Variants in BRAF observed in about 807,000 individuals in gnomAD.
The protein encoded by BRAF is serine/threonine-protein kinase B-raf.
Under a neutral mutation model 104.6 loss-of-function variants are expected in BRAF, and 16 were observed. The observed-to-expected ratio is 0.15, with a 90% CI of 0.10 to 0.23. BRAF has a LOEUF of 0.23. Among genes scored for constraint, BRAF ranks in the 10% least tolerant of loss-of-function variants. BRAF has a pLI of 1.00. For synonymous variants in BRAF, 310 were observed against 341.6 expected (o/e 0.91, Z 1.02); for missense variants, 541 against 937.3 (o/e 0.58, Z 5.52).
chr7:140,896,434 GA>G (rs200728403), intron 1 of BRAF, among the ~76,000 whole-genome samples: 8 of 149,614 alleles, frequency 5.3e-5, no homozygotes, highest in Non-Finnish European at 1.2e-4. Context: ...ACCTTTTAAG[GA>G]AAAAAAAACA....
intron 14 of BRAF, among the ~76,000 whole-genome samples, chr7:140,755,458 C>T (rs1044561246): frequency 1.3e-5 from 2 of 152,102 alleles, no homozygotes; most frequent in East Asian, 1.9e-4. Flanking sequence ...TTCATTTAAA[C>T]GTCCTCATTC....
intron 3 of BRAF, among the ~76,000 whole-genome samples, chr7:140,811,440 G>T (rs1046074813): frequency 5.9e-5 from 9 of 152,182 alleles, no homozygotes; most frequent in Non-Finnish European, 8.8e-5. Flanking sequence ...GACTCTCAGG[G>T]GAGAGGGGAG....
intron 1 of BRAF, among the ~76,000 whole-genome samples, chr7:140,863,813 G>A (rs1440582528): frequency 6.6e-6 from 1 of 152,164 alleles, no homozygotes. Context: ...AGTTTCCTGA[G>A]GCCTCCCCAG....
intron 3 of BRAF, among the ~76,000 whole-genome samples, chr7:140,815,967 C>A (rs1472723574): frequency 1.3e-5 from 2 of 152,054 alleles, no homozygotes; most frequent in African/African-American, 4.8e-5. Flanking sequence ...CCAATCAAAT[C>A]AAAATAAAAA....
intron 3 of BRAF, among the ~76,000 whole-genome samples, chr7:140,811,468 A>G (rs554347607): frequency 1.2e-3 from 189 of 152,264 alleles, no homozygotes; most frequent in Middle Eastern, 6.8e-3. Flanking sequence ...GGGAGCTTAT[A>G]TGTCTAGCTG....
At chr7:140,809,148 G>T (rs1178797000) in intron 3 of BRAF, among the ~76,000 whole-genome samples, 153 bp from the exon 4 acceptor site, 1 of 151,990 alleles carries the variant, frequency 6.6e-6, no homozygotes, top group Admixed American at 6.6e-5. Flanking sequence ...ATACTAAAGG[G>T]AAATTATAAC....
chr7:140,719,069 G>C (rs1237318960), downstream of BRAF, among the ~76,000 whole-genome samples: 4 of 152,166 alleles, frequency 2.6e-5, no homozygotes, highest in Non-Finnish European at 5.9e-5. Context: ...AGATACATCA[G>C]GTCACAACAT....
At chr7:140,804,757 T>A (rs1047604188) in intron 5 of BRAF, among the ~76,000 whole-genome samples, 1 of 152,202 alleles carries the variant, frequency 6.6e-6, no homozygotes, top group Non-Finnish European at 1.5e-5. Context: ...ACATGTAAAT[T>A]TTTTTATGAT....
chr7:140,792,484 A>C (rs1383514099), intron 8 of BRAF, among the ~76,000 whole-genome samples: 5 of 152,196 alleles, frequency 3.3e-5, no homozygotes, highest in Admixed American at 3.3e-4. Flanking sequence ...ACTATTAATT[A>C]CATTCCATGT....
chr7:140,810,168 G>C (rs117013564), intron 3 of BRAF, among the ~76,000 whole-genome samples: 1 of 152,146 alleles, frequency 6.6e-6, no homozygotes, highest in Non-Finnish European at 1.5e-5. Context: ...GTAAATATAA[G>C]ACAGCTGAAT....
At chr7:140,763,980 C>T (rs1209430579) in intron 14 of BRAF, among the ~76,000 whole-genome samples, 4 of 152,170 alleles carry the variant, frequency 2.6e-5, no homozygotes, top group African/African-American at 9.7e-5. Context: ...CAAAGCCAGG[C>T]AGAGACACAA....
Position 140,924,771 on chromosome 7 carries a change from TGGGGGA to T in BRAF, c.-74_-69del. 1 of 569,290 alleles carries T rather than the reference TGGGGGA, an allele frequency of 1.8e-6. No individual in the cohort carries two copies. The highest frequency in any genetic ancestry group is 3.0e-6 in the Non-Finnish European group (1 of 330,272). The allele number at this position is 569,290 out of a possible 1,614,324, so 35.3% of individuals were successfully genotyped here. Reference sequence around the variant, plus strand: ...GGGAGGGGGAAGGGAGGCGGAGAGCTGGGGGAGGCGGAGGCGGAGGCGGAGGCGGAG... The same window carrying T: ...GGGAGGGGGAAGGGAGGCGGAGAGCTGGCGGAGGCGGAGGCGGAGGCGGAG... On this transcript the variant is annotated 5_prime_UTR_variant, in exon 1 of 20. Coordinates refer to ENST00000644969, the MANE Select transcript of BRAF (RefSeq NM_001374258.1). The surrounding 1 kb of genome is among the most constrained non-coding windows in gnomAD (Gnocchi z 4.2).
intron 3 of BRAF, among the ~76,000 whole-genome samples, chr7:140,815,083 G>A (rs929281187): frequency 2.0e-5 from 3 of 151,134 alleles, no homozygotes; most frequent in Middle Eastern, 3.2e-3. Flanking sequence ...ATAGCTTTCT[G>A]ATTTTATAAT....
chr7:140,757,439 G>A (rs553846759), intron 14 of BRAF, among the ~76,000 whole-genome samples: 22 of 151,952 alleles, frequency 1.4e-4, no homozygotes, highest in Non-Finnish European at 2.5e-4. Context: ...ACAGGCGCGC[G>A]CCACCATGCC....
chr7:140,897,014 A>G (rs972275290), intron 1 of BRAF, among the ~76,000 whole-genome samples: 6 of 152,046 alleles, frequency 3.9e-5, no homozygotes, highest in African/African-American at 1.4e-4. Context: ...TGCAATCACA[A>G]TGAAAATCCC....
intron 7 of BRAF, 135 bp from the exon 8 acceptor site, chr7:140,794,602 A>T: frequency 9.3e-7 from 1 of 1,071,176 alleles, no homozygotes; most frequent in Non-Finnish European, 1.4e-6. Context: ...CCTAGCAGTA[A>T]TGACTTTTAA....
downstream of BRAF, among the ~76,000 whole-genome samples, chr7:140,716,993 G>T (rs1032645205): frequency 1.3e-5 from 2 of 152,170 alleles, no homozygotes; most frequent in Admixed American, 1.3e-4. Flanking sequence ...GCCTCAGCAG[G>T]TGCCTTTTGT....
Position 140,720,541 on chromosome 7 carries a change from T to TA in BRAF, c.*5952dup, listed in dbSNP as rs1306720885. 2 of 1,065,182 alleles carry TA rather than the reference T, an allele frequency of 1.9e-6. No homozygotes were observed. Among genetic ancestry groups the TA allele is most frequent in the African/African-American group, 1.6e-5 (1 of 61,050 alleles). 66.0% of individuals were successfully genotyped at this position (1,065,182 alleles called of 1,614,324 possible). A position where few individuals can be genotyped will look rare whatever the true frequency, so the allele number is the denominator to read the frequency against. ...AAATGTATTAGGAAGGAATGATTCT[T>TA]AAAAAAACCGTTCACAGCTTAGAAT... On this transcript the variant is annotated 3_prime_UTR_variant, in exon 20 of 20. Coordinates refer to ENST00000644969, the MANE Select transcript of BRAF (RefSeq NM_001374258.1).
intron 1 of BRAF, among the ~76,000 whole-genome samples, chr7:140,905,047 T>C (rs906025519): frequency 3.9e-5 from 6 of 152,320 alleles, no homozygotes; most frequent in Middle Eastern, 3.4e-3. Context: ...TTGAAACTTG[T>C]TTTACAACAT....
Sources: gnomAD v4.1 joint callset for allele counts (sites outside exome capture counted in the v4.1 genomes callset) on GRCh38, gnomAD v4.1.1 for gene constraint, Gnocchi (gnomAD v3.1) non-coding constraint, MANE v1.5 for transcripts, NCBI Gene and HGNC (gene_info 2026-07-23, HGNC 2026-07-21) for gene names.